The following MAX variants were observed in gnomAD, a reference collection of about 807,000 sequenced individuals.
The protein encoded by MAX is protein max.
In MAX, 3 loss-of-function variants were observed where a neutral mutation model predicts 22.3. That is an observed-to-expected ratio of 0.13 (90% CI 0.06 to 0.35). The LOEUF (loss-of-function observed/expected upper bound fraction) is 0.35. Ranked by LOEUF, MAX falls within the 10% of genes least tolerant of loss-of-function variation. MAX has a pLI of 1.00. For synonymous variants in MAX, 72 were observed against 77.7 expected (o/e 0.93, Z 0.39); for missense variants, 119 against 209.4 (o/e 0.57, Z 2.66).
intron 3 of MAX, among the ~76,000 whole-genome samples, chr14:65,051,945 C>T (rs2062624207): frequency 6.6e-6 from 1 of 151,892 alleles, no homozygotes; most frequent in Non-Finnish European, 1.5e-5. Context: ...CAGGCGCCCA[C>T]CACCATGTCC....
At chr14:65,058,281 T>C (rs1470569275) in intron 3 of MAX, among the ~76,000 whole-genome samples, 1 of 152,060 alleles carries the variant, frequency 6.6e-6, no homozygotes, top group South Asian at 2.1e-4. Context: ...GTTAGAGTTA[T>C]GTCTAATTTA....
At chr14:65,048,970 C>G (rs1033988357) in intron 3 of MAX, among the ~76,000 whole-genome samples, 2 of 151,816 alleles carry the variant, frequency 1.3e-5, no homozygotes, top group Non-Finnish European at 1.5e-5. Flanking sequence ...ACTAAAGATA[C>G]AAAAAATTAG....
Position 65,014,149 on chromosome 14 carries a change from C to G in MAX, c.172-7865G>C, listed in dbSNP as rs1566870030. 6.6e-6 allele frequency among the ~76,000 whole-genome samples: 1 copy of G among 152,212 alleles called. No individual in the cohort carries two copies. Among genetic ancestry groups the G allele is most frequent in the African/African-American group, 2.4e-5 (1 of 41,442 alleles). The stretch of plus-strand genomic sequence containing the variant: ...AAAAACCTAGGTTCTTGTCTCACCT[C>G]TGACATTTGCTATTTTTATAATCTG... On this transcript the variant is annotated intron_variant, in intron 3 of 3. Transcript: ENST00000341653. This position sits in a 1 kb window ranked among gnomAD's most constrained non-coding sequence, Gnocchi z 5.1.
At position 65,007,173 on chromosome 14, in the gene MAX, T is replaced by C. The variant is rs2061608014; in HGVS notation, c.172-889A>G. Among the ~76,000 whole-genome samples, 1 of 152,226 alleles carries C rather than the reference T, an allele frequency of 6.6e-6. No individual in the cohort carries two copies. The highest frequency in any genetic ancestry group is 1.5e-5 in the Non-Finnish European group (1 of 68,034). The stretch of plus-strand genomic sequence containing the variant: ...AGGCTGAAGGCAAACATCACCATCA[T>C]AGAATAAGCGAGGATATAAGAATAA... On this transcript the variant is annotated intron_variant, in intron 3 of 3. Transcript: ENST00000341653. This position sits in a 1 kb window ranked among gnomAD's most constrained non-coding sequence, Gnocchi z 4.9.
chr14:65,101,442 T>C, intron 2 of MAX, 104 bp downstream of exon 2: 1 of 1,068,240 alleles, frequency 9.4e-7, no homozygotes, highest in Non-Finnish European at 1.4e-6. Context: ...CATTAGAGTT[T>C]ACTACAATAT....
intron 3 of MAX, among the ~76,000 whole-genome samples, chr14:65,067,795 T>TG: frequency 8.1e-6 from 1 of 123,006 alleles, no homozygotes; most frequent in East Asian, 2.0e-4. Context: ...CTAATTACAT[T>TG]TTTTTTTTTT....
chr14:65,040,259 G>GTA (rs561165644), intron 3 of MAX, among the ~76,000 whole-genome samples: 2 of 144,986 alleles, frequency 1.4e-5, no homozygotes, highest in South Asian at 2.2e-4. Flanking sequence ...ATATATATAT[G>GTA]TATATATATG....
intron 3 of MAX, chr14:65,015,520 C>T (rs2061756898): frequency 8.9e-7 from 1 of 1,126,346 alleles, no homozygotes; most frequent in South Asian, 1.6e-5. Flanking sequence ...AGGGTGCCCT[C>T]CTCCCCCTTG....
At chr14:65,043,493 A>T (rs954489667) in intron 3 of MAX, among the ~76,000 whole-genome samples, 1 of 152,194 alleles carries the variant, frequency 6.6e-6, no homozygotes, top group Admixed American at 6.5e-5. Flanking sequence ...CCAGGTGCCA[A>T]GTAAAAGTCA....
intron 3 of MAX, chr14:65,061,482 C>T: frequency 5.8e-6 from 7 of 1,201,954 alleles, no homozygotes; most frequent in Non-Finnish European, 7.8e-6. Context: ...GTTTGGAGAA[C>T]ACAGTGGCTG....
At chr14:65,013,713 A>G (rs969738506) in intron 3 of MAX, among the ~76,000 whole-genome samples, 1 of 151,994 alleles carries the variant, frequency 6.6e-6, no homozygotes, top group Admixed American at 6.6e-5. Flanking sequence ...ACGCCTGGCT[A>G]ATTTTTGTAT....
chr14:65,049,125 TAAA>T (rs59771962), intron 3 of MAX, among the ~76,000 whole-genome samples: 29 of 139,706 alleles, frequency 2.1e-4, no homozygotes, highest in Admixed American at 2.1e-4. Flanking sequence ...GGACTCCGTC[TAAA>T]AAAAAAAAAA....
At position 65,032,344 on chromosome 14, in the gene MAX, T is replaced by C. The variant is rs2062103313; in HGVS notation, c.172-26060A>G. ...TTGACATGAATTGATATGGCTGTTA[T>C]TTCCTCTGATGTAGATTGGACCATG... On this transcript the variant is annotated intron_variant, in intron 3 of 3. Transcript: ENST00000341653. This position sits in a 1 kb window ranked among gnomAD's most constrained non-coding sequence, Gnocchi z 5.0. 3.1e-6 allele frequency: 1 copy of C among 322,454 alleles called. No homozygotes were observed. The highest frequency in any genetic ancestry group is 5.7e-6 in the Non-Finnish European group (1 of 176,872). The allele number at this position is 322,454 out of a possible 1,614,324, so 20.0% of individuals were successfully genotyped here. A position where few individuals can be genotyped will look rare whatever the true frequency, so the allele number is the denominator to read the frequency against.
At position 65,053,626 on chromosome 14, in the gene MAX, T is replaced by TA. The variant is rs201689378; in HGVS notation, c.171+40081dup. ...CTGGGTAGATAACTCTTCTTTTTTT[T>TA]AAAAAAAACAAAAAAAAACTGATCT... is the stretch of plus-strand genomic sequence containing the variant. On this transcript the variant is annotated intron_variant, in intron 3 of 3. Transcript: ENST00000341653. Among the ~76,000 whole-genome samples, 1,286 of 144,328 alleles carry TA rather than the reference T, an allele frequency of 8.9e-3. 13 individuals carry two copies. Among genetic ancestry groups the TA allele is most frequent in the African/African-American group, 0.022 (809 of 37,536 alleles). The allele number at this position is 144,328 out of a possible 152,430, so 94.7% of individuals were successfully genotyped here. A position where few individuals can be genotyped will look rare whatever the true frequency, so the allele number is the denominator to read the frequency against.
rs1054688086 is a variant in MAX, at chr14:65,009,019, C to G, written c.172-2735G>C. ...CACCCCCTCAAGTCCTGCACGAAACCTGTCTTATTCTGCTCCATGTAATTG... is the reference window on the plus strand; with the variant it reads ...CACCCCCTCAAGTCCTGCACGAAACGTGTCTTATTCTGCTCCATGTAATTG... On this transcript the variant is annotated intron_variant, in intron 3 of 3. Coordinates refer to the MAX transcript ENST00000341653. The surrounding 1 kb of genome is among the most constrained non-coding windows in gnomAD (Gnocchi z 4.2). Among the ~76,000 whole-genome samples, 1 of 152,202 alleles carries G rather than the reference C, an allele frequency of 6.6e-6. No individual in the cohort carries two copies. Among genetic ancestry groups the G allele is most frequent in the Non-Finnish European group, 1.5e-5 (1 of 68,038 alleles).
At chr14:65,056,798 ACT>A (rs1176386951) in intron 3 of MAX, among the ~76,000 whole-genome samples, 3 of 151,996 alleles carry the variant, frequency 2.0e-5, no homozygotes, top group African/African-American at 7.3e-5. Context: ...TCATTTTGTG[ACT>A]CTGATTTGCA....
intron 3 of MAX, among the ~76,000 whole-genome samples, chr14:65,021,037 C>T (rs60577293): frequency 0.01 from 1,583 of 152,208 alleles, 26 homozygotes; most frequent in East Asian, 0.081. Context: ...GCCTAGCTTC[C>T]CTCTTTTAAG....
At chr14:65,025,765 G>A (rs554888680) in intron 3 of MAX, among the ~76,000 whole-genome samples, 5 of 152,304 alleles carry the variant, frequency 3.3e-5, no homozygotes, top group East Asian at 1.9e-4. Flanking sequence ...GCAGTGAGCC[G>A]TGATTATGCC....
intron 3 of MAX, among the ~76,000 whole-genome samples, chr14:65,045,355 C>A (rs911530381): frequency 6.6e-6 from 1 of 152,094 alleles, no homozygotes; most frequent in African/African-American, 2.4e-5. Flanking sequence ...AGATGAGATT[C>A]TTTTCTGCCC....
Sources: gnomAD v4.1 joint callset for allele counts (sites outside exome capture counted in the v4.1 genomes callset) on GRCh38, gnomAD v4.1.1 for gene constraint, Gnocchi (gnomAD v3.1) non-coding constraint, MANE v1.5 for transcripts, NCBI Gene and HGNC (gene_info 2026-07-23, HGNC 2026-07-21) for gene names.